The following HEXA variants were observed in gnomAD, a reference collection of about 807,000 sequenced individuals.
HEXA encodes hexosaminidase subunit alpha, also known as beta-hexosaminidase subunit alpha.
A neutral mutation model predicts 73.3 loss-of-function variants in HEXA; 54 were observed. The observed-to-expected ratio is 0.74, with a 90% CI of 0.59 to 0.92. HEXA has a LOEUF of 0.92. Among genes scored for constraint, HEXA ranks in the 40% least tolerant of loss-of-function variants. HEXA has a pLI of 0.00. For synonymous variants in HEXA, 230 were observed against 246.9 expected, an observed-to-expected ratio of 0.93 and a Z score of 0.64; for missense variants, 649 against 653.0, an observed-to-expected ratio of 0.99 and a Z score of 0.07.
intron 1 of HEXA, among the ~76,000 whole-genome samples, chr15:72,363,058 T>C (rs1372882463): frequency 1.3e-5 from 2 of 152,216 alleles, no homozygotes; most frequent in Non-Finnish European, 2.9e-5. Context: ...TTTGTTCCCA[T>C]GCCCACTTTC....
intron 5 of HEXA, among the ~76,000 whole-genome samples, chr15:72,352,394 G>C (rs866756146): frequency 1.3e-5 from 2 of 148,474 alleles, no homozygotes; most frequent in South Asian, 2.1e-4. Flanking sequence ...TTGAGCCCAG[G>C]AGTTCAAGAC....
intron 1 of HEXA, chr15:72,358,205 C>G (rs1567301411): frequency 6.6e-6 from 1 of 152,318 alleles, no homozygotes. Context: ...CACTCCCAAC[C>G]CCACACATCA....
chr15:72,356,109 CT>C (rs2088775317), intron 2 of HEXA: 1 of 383,798 alleles, frequency 2.6e-6, no homozygotes, highest in African/African-American at 2.1e-5. Context: ...ACTTTGGAGA[CT>C]GAGAAGTCCC....
chr15:72,355,516 A>G (rs770604077), intron 3 of HEXA, 43 bp downstream of exon 3: 2 of 1,409,474 alleles, frequency 1.4e-6, no homozygotes, highest in East Asian at 2.3e-5. Flanking sequence ...ACCTTCCCAC[A>G]TCATCCTTTC....
intron 1 of HEXA, chr15:72,370,360 T>C (rs2088973154): frequency 2.9e-6 from 1 of 346,460 alleles, no homozygotes; most frequent in Non-Finnish European, 5.1e-6. Context: ...CAAGTTTAGC[T>C]TCTTGGACTC....
chr15:72,349,263 A>T lies in HEXA; in HGVS notation c.806-4T>A. 1 of 1,613,326 alleles carries T rather than the reference A, an allele frequency of 6.2e-7. No individual in the cohort carries two copies. Among genetic ancestry groups the T allele is most frequent in the South Asian group, 1.1e-5 (1 of 91,060 alleles). ...GGAGTCAGTAATCCAGGGATACCTA[A>T]GCCAAGAGAAAACCCCATATGAGTG... On this transcript the variant is annotated splice_region_variant and splice_polypyrimidine_tract_variant and intron_variant, in intron 7 of 13. Transcript: ENST00000268097.
At chr15:72,359,069 C>G (rs2088820217) in intron 1 of HEXA, 1 of 152,240 alleles carries the variant, frequency 6.6e-6, no homozygotes. Flanking sequence ...AATTGAGAAG[C>G]CTCCAGGGCT....
intron 8 of HEXA, 108 bp downstream of exon 8, chr15:72,348,964 GAGCCCAT>G: frequency 1.2e-6 from 1 of 852,946 alleles, no homozygotes; most frequent in Middle Eastern, 3.3e-4. Context: ...TGAGCAATGT[GAGCCCAT>G]ACAGACCCCT....
At chr15:72,345,801 A>C in intron 12 of HEXA, 1 of 576,322 alleles carries the variant, frequency 1.7e-6, no homozygotes, top group Non-Finnish European at 3.1e-6. Context: ...AATAAGAATA[A>C]ACCTTAAAGC....
chr15:72,344,134 AC>A lies in HEXA; in HGVS notation c.1532del (p.Gly511ValfsTer9). 1 of 1,613,650 alleles carries A rather than the reference AC, an allele frequency of 6.2e-7. No homozygotes were observed. The highest frequency in any genetic ancestry group is 8.5e-7 in the Non-Finnish European group (1 of 1,179,652). ...SHFRCELLRR[G>X]VQAQPLNVGF... ...CTACATTGAGGGGTTGGGCCTGGAC[AC>A]CTCGCCTGCAAGAGGACATGAAGAA... On this transcript the variant is annotated frameshift_variant, in exon 14 of 14. Transcript: ENST00000268097. LOFTEE classifies it high-confidence loss of function.
At chr15:72,349,589 G>T (rs1186443909) in intron 7 of HEXA, among the ~76,000 whole-genome samples, 1 of 152,250 alleles carries the variant, frequency 6.6e-6, no homozygotes, top group African/African-American at 2.4e-5. Context: ...TTGAGGCAGA[G>T]AGAGAGCCTA....
intron 5 of HEXA, among the ~76,000 whole-genome samples, chr15:72,352,532 G>A (rs1026110885): frequency 4.0e-5 from 6 of 151,438 alleles, no homozygotes; most frequent in Non-Finnish European, 7.4e-5. Context: ...CTAAACATTT[G>A]TATCCCTGGA....
Position 72,375,928 on chromosome 15 carries a change from C to T in HEXA, c.45G>A (p.Ala15=). 2 of 1,614,126 alleles carry T rather than the reference C, an allele frequency of 1.2e-6. No homozygotes were observed. Among genetic ancestry groups the T allele is most frequent in the Non-Finnish European group, 1.7e-6 (2 of 1,180,046 alleles). The change falls in exon 1 of 14, where the codon GCG becomes GCA. Residue 15 remains alanine, a synonymous_variant. Transcript: ENST00000268097. ...AGAGGGCCGTCGCCCGTCCTGCGAA[C>T]GCTGCCGCCAGCAGCAGCGAAAACC... ...RLWFSLLLAA[A]FAGRATALWP...
At chr15:72,365,411 T>TTA (rs1290559419) in intron 1 of HEXA, among the ~76,000 whole-genome samples, 1 of 152,238 alleles carries the variant, frequency 6.6e-6, no homozygotes, top group Non-Finnish European at 1.5e-5. Context: ...TCTTTTTACT[T>TTA]TTTAAAGTTA....
Position 72,347,720 on chromosome 15 carries a change from A to C in HEXA, c.1112T>G (p.Val371Gly). 1 of 1,614,166 alleles carries C rather than the reference A, an allele frequency of 6.2e-7. No individual in the cohort carries two copies. Among genetic ancestry groups the C allele is most frequent in the Non-Finnish European group, 8.5e-7 (1 of 1,180,020 alleles). ...DIVSSYGKGY[V>G]VWQEVFDNKV... ...ATTATCAAACACCTCCTGCCACACC[A>C]CATAGCCCTTGCCATAAGAAGAGAC... Residue 371 changes from valine (V) to glycine (G), a missense_variant, in exon 10 of 14, where the codon GTG becomes GGG. Val to Gly is a moderately radical substitution (Grantham distance 109). Transcript: ENST00000268097.
chr15:72,365,590 A>G lies in HEXA; in HGVS notation c.254-8973T>C, dbSNP rs1484454933. ...GGCCTCCTCTACCCCTAAAATTATA[A>G]TAATAGTTTCCTTCATTTCTGTCTA... is the stretch of plus-strand genomic sequence containing the variant. On this transcript the variant is annotated intron_variant, in intron 1 of 13. Coordinates refer to ENST00000268097, the MANE Select transcript of HEXA (RefSeq NM_000520.6). Among the ~76,000 whole-genome samples the G allele has an allele frequency of 2.0e-5, 3 of 152,168 alleles. 1 individual carries two copies. Among genetic ancestry groups the G allele is most frequent in the Admixed American group, 1.3e-4 (2 of 15,276 alleles).
At chr15:72,358,626 C>T (rs373207813) in intron 1 of HEXA, 3 of 152,136 alleles carry the variant, frequency 2.0e-5, no homozygotes, top group African/African-American at 7.2e-5. Context: ...TCCAGAATTA[C>T]AATTCTTCCA....
rs569340534 is a variant in HEXA, at chr15:72,361,867, G to A, written c.254-5250C>T. On this transcript the variant is annotated intron_variant, in intron 1 of 13. Coordinates refer to ENST00000268097, the MANE Select transcript of HEXA (RefSeq NM_000520.6). ...GGCCAAAGCCTTAATTCAGCCTCTT[G>A]TAATTTCTCACCTGGATGACTATAA... Among the ~76,000 whole-genome samples the A allele has an allele frequency of 3.3e-5, 5 of 152,198 alleles. No homozygotes were observed. In the East Asian group the frequency reaches 9.6e-4, roughly 29 times the overall value.
At chr15:72,348,161 A>C in intron 8 of HEXA, 27 bp from the exon 9 acceptor site, 1 of 1,515,742 alleles carries the variant, frequency 6.6e-7, no homozygotes, top group Non-Finnish European at 9.2e-7. Flanking sequence ...AATGAAGATT[A>C]ATCTTTCAAC....
Sources: allele counts gnomAD v4.1 joint callset (sites outside exome capture counted in the v4.1 genomes callset), GRCh38; gene constraint gnomAD v4.1.1; transcripts MANE v1.5; gene names NCBI Gene and HGNC (gene_info 2026-07-23, HGNC 2026-07-21).